The following EML6 variants were observed in gnomAD, a reference collection of about 807,000 sequenced individuals.
EML6 encodes the protein EMAP like 6, also known as echinoderm microtubule-associated protein-like 6.
Under a neutral mutation model 240.1 loss-of-function variants are expected in EML6, and 154 were observed. That is an observed-to-expected ratio of 0.64 (90% CI 0.56 to 0.73). The LOEUF (loss-of-function observed/expected upper bound fraction) is 0.73, where lower values mean the gene tolerates loss of function less well. EML6 is among the 30% of genes least tolerant of loss of function. EML6 has a pLI of 0.00. For synonymous variants in EML6, 1,148 were observed against 899.0 expected, an observed-to-expected ratio of 1.28 and a Z score of -4.95; for missense variants, 2,964 against 2,474.6, an observed-to-expected ratio of 1.20 and a Z score of -4.20.
intron 2 of EML6, among the ~76,000 whole-genome samples, chr2:54,738,829 C>T (rs1002266790): frequency 6.6e-6 from 1 of 152,182 alleles, no homozygotes; most frequent in African/African-American, 2.4e-5. Flanking sequence ...TTTCCTTTGG[C>T]TACTCGTACA....
rs1417778208 is a variant in EML6, at chr2:54,866,861, C to T, written c.2028C>T (p.Ser676=). 3 of 1,550,370 alleles carry T rather than the reference C, an allele frequency of 1.9e-6. No homozygotes were observed. The South Asian group carries it at 3.6e-5, about 18-fold the overall frequency. ...AACGAGAAAAGGCTCCTGAGGACAG[C>T]TTGAAACTCCAGTTCATACACGGGT... ...FLKREKAPED[S]LKLQFIHGYR... is the part of the protein sequence containing the mutation. The change falls in exon 14 of 42, where the codon AGC becomes AGT. Residue 676 remains serine, a synonymous_variant. Transcript: ENST00000356458.
chr2:54,888,538 A>G (rs1558653120), intron 17 of EML6, among the ~76,000 whole-genome samples: 1 of 152,110 alleles, frequency 6.6e-6, no homozygotes, highest in Non-Finnish European at 1.5e-5. Context: ...TCCTCTGTAT[A>G]CTGTGGCAAC....
chr2:54,742,526 A>C (rs1468403849), intron 2 of EML6, among the ~76,000 whole-genome samples: 1 of 152,156 alleles, frequency 6.6e-6, no homozygotes, highest in Non-Finnish European at 1.5e-5. Context: ...CCGTCTCTTA[A>C]ACACGTCTCA....
Position 54,725,998 on chromosome 2 carries a change from G to C in EML6, c.197+740G>C, listed in dbSNP as rs776144581. Among the ~76,000 whole-genome samples the C allele has an allele frequency of 6.6e-6, 1 of 152,178 alleles. No individual in the cohort carries two copies. Among genetic ancestry groups the C allele is most frequent in the Non-Finnish European group, 1.5e-5 (1 of 68,030 alleles). ...GAATGGCCGTTTTAGGGGCCCTCCC[G>C]ATTAAATGGAAAGGGGTTATATTGT... On this transcript the variant is annotated intron_variant, in intron 2 of 41. Coordinates refer to ENST00000356458, the MANE Select transcript of EML6 (RefSeq NM_001039753.4). The surrounding 1 kb of genome is among the most constrained non-coding windows in gnomAD (Gnocchi z 4.3).
chr2:54,791,668 A>G lies in EML6; in HGVS notation c.198-21564A>G, dbSNP rs111909402. Among the ~76,000 whole-genome samples, 434 of 152,274 alleles carry G rather than the reference A, an allele frequency of 2.9e-3. 1 individual carries two copies. Among genetic ancestry groups the G allele is most frequent in the African/African-American group, 6.0e-3 (248 of 41,562 alleles). On this transcript the variant is annotated intron_variant, in intron 2 of 41. Transcript: ENST00000356458. ...CTCTCCATGGCTCTGGGTAAACACT[A>G]TAACTGTGATGTTAGCCTGCAGGCT...
intron 28 of EML6, among the ~76,000 whole-genome samples, chr2:54,935,480 T>A (rs1293905988): frequency 6.6e-6 from 1 of 152,210 alleles, no homozygotes; most frequent in African/African-American, 2.4e-5. Flanking sequence ...CATAACTTTT[T>A]AAAAATCAGA....
chr2:54,897,246 G>C (rs1672819047), intron 21 of EML6, among the ~76,000 whole-genome samples: 1 of 152,146 alleles, frequency 6.6e-6, no homozygotes, highest in African/African-American at 2.4e-5. Context: ...ACTTGAGGTA[G>C]TTTGGTTTAA....
In EML6 at chr2:54,903,425, A is replaced by G. The variant is rs201862406; in HGVS notation, c.3332A>G (p.Asn1111Ser). Reference sequence around the variant, plus strand: ...CATGATAACTTTGTGGATATTTACAACGTACTTACAAGCAAAAGGGTTGGC... The same window carrying G: ...CATGATAACTTTGTGGATATTTACAGCGTACTTACAAGCAAAAGGGTTGGC... ...ASHDNFVDIY[N>S]VLTSKRVGIC... Residue 1111 changes from asparagine to serine, a missense_variant, in exon 24 of 42, where the codon AAC becomes AGC. Transcript: ENST00000356458. The G allele has an allele frequency of 9.0e-6, 14 of 1,551,764 alleles. No homozygotes were observed. Among genetic ancestry groups the G allele is most frequent in the Non-Finnish European group, 1.2e-5 (14 of 1,146,978 alleles).
rs914017496 is a variant in EML6, at chr2:54,859,805, A to G, written c.1825+104A>G. The stretch of plus-strand genomic sequence containing the variant: ...AGGTAAAGGATTTAAGCAATTTTGG[A>G]AAATTGATTCCTGTAATCTTAAAAT... On this transcript the variant is annotated intron_variant, in intron 12 of 41. Coordinates refer to ENST00000356458, the MANE Select transcript of EML6 (RefSeq NM_001039753.4). 9 of 914,804 alleles carry G rather than the reference A, an allele frequency of 9.8e-6. No homozygotes were observed. The Admixed American group carries it at 1.5e-4, about 15-fold the overall frequency. The allele number at this position is 914,804 out of a possible 1,614,324, so 56.7% of individuals were successfully genotyped here.
chr2:54,796,323 A>T (rs1461548106), intron 2 of EML6, among the ~76,000 whole-genome samples: 1 of 152,146 alleles, frequency 6.6e-6, no homozygotes, highest in Non-Finnish European at 1.5e-5. Context: ...CATTACTCTC[A>T]AAATAACACA....
intron 11 of EML6, among the ~76,000 whole-genome samples, chr2:54,855,706 C>G (rs778862792): frequency 5.9e-5 from 9 of 152,264 alleles, no homozygotes; most frequent in Admixed American, 2.6e-4. Context: ...TATCCATGTC[C>G]TCATAGCAAA....
chr2:54,879,768 T>G (rs1671720428), intron 17 of EML6, 128 bp downstream of exon 17: 1 of 659,006 alleles, frequency 1.5e-6, no homozygotes, highest in African/African-American at 1.8e-5. Context: ...GCTTAGCACC[T>G]AAGTGAAAAA....
intron 39 of EML6, among the ~76,000 whole-genome samples, chr2:54,967,776 G>GGT (rs1293033377): frequency 6.6e-6 from 1 of 152,160 alleles, no homozygotes; most frequent in African/African-American, 2.4e-5. Flanking sequence ...CCAGAGACCA[G>GGT]GTAGGGGGTG....
chr2:54,969,562 C>A (rs563763072), intron 41 of EML6, among the ~76,000 whole-genome samples: 1 of 152,196 alleles, frequency 6.6e-6, no homozygotes, highest in Non-Finnish European at 1.5e-5. Context: ...GCAGCACCAA[C>A]CCAATTGTGA....
intron 17 of EML6, among the ~76,000 whole-genome samples, chr2:54,883,959 T>A (rs1170286683): frequency 6.6e-6 from 1 of 152,218 alleles, no homozygotes; most frequent in Non-Finnish European, 1.5e-5. Context: ...AAAGTGCTTT[T>A]TCCGTTTTCT....
At chr2:54,951,421 T>C (rs1240493209) in intron 30 of EML6, among the ~76,000 whole-genome samples, 1 of 152,008 alleles carries the variant, frequency 6.6e-6, no homozygotes, top group Non-Finnish European at 1.5e-5. Context: ...TAGTCCCAGC[T>C]ACTCAGGAAG....
At chr2:54,744,321 A>T (rs1336066458) in intron 2 of EML6, among the ~76,000 whole-genome samples, 2 of 152,108 alleles carry the variant, frequency 1.3e-5, no homozygotes, top group African/African-American at 2.4e-5. Context: ...AGAGGAAGGG[A>T]TGTAAACCCA....
chr2:54,815,820 CTG>C (rs750032989), intron 3 of EML6, among the ~76,000 whole-genome samples: 5 of 152,228 alleles, frequency 3.3e-5, no homozygotes, highest in Non-Finnish European at 5.9e-5. Flanking sequence ...TTCATCCACA[CTG>C]TGAGTGTGCA....
chr2:54,729,332 G>A (rs1683053214), intron 2 of EML6, among the ~76,000 whole-genome samples: 1 of 152,222 alleles, frequency 6.6e-6, no homozygotes, highest in African/African-American at 2.4e-5. Context: ...TGTGACCGAT[G>A]CTGCTCACTT....
Sources: allele counts gnomAD v4.1 joint callset (sites outside exome capture counted in the v4.1 genomes callset), GRCh38; gene constraint gnomAD v4.1.1; non-coding constraint Gnocchi (gnomAD v3.1); transcripts MANE v1.5; gene names NCBI Gene and HGNC (gene_info 2026-07-23, HGNC 2026-07-21).